Variants in CHCHD3 observed in about 807,000 individuals in gnomAD.
CHCHD3 encodes coiled-coil-helix-coiled-coil-helix domain containing 3, also known as MICOS complex subunit MIC19.
CHCHD3 carries 20 observed loss-of-function variants against 38.2 expected under a neutral mutation model. The ratio of observed to expected loss-of-function variants is 0.52; its 90% CI spans 0.37 to 0.76. CHCHD3 has a LOEUF of 0.76. Ranked by LOEUF, CHCHD3 falls within the 30% of genes least tolerant of loss-of-function variation. CHCHD3 has a pLI of 0.00. For synonymous variants in CHCHD3, 82 were observed against 100.0 expected (o/e 0.82, Z 1.07); for missense variants, 245 against 279.2 (o/e 0.88, Z 0.87).
At chr7:132,923,021 A>G (rs1382549038) in intron 4 of CHCHD3, among the ~76,000 whole-genome samples, 1 of 152,214 alleles carries the variant, frequency 6.6e-6, no homozygotes, top group East Asian at 1.9e-4. Flanking sequence ...GCCAAGAAGG[A>G]ACACCAGAAT....
At chr7:132,915,987 A>G (rs1013354807) in intron 4 of CHCHD3, among the ~76,000 whole-genome samples, 7 of 150,834 alleles carry the variant, frequency 4.6e-5, no homozygotes, top group African/African-American at 1.7e-4. Context: ...CAAAATGAGC[A>G]TTGTTCTGGG....
intron 7 of CHCHD3, among the ~76,000 whole-genome samples, chr7:132,791,683 G>A (rs1260862580): frequency 6.6e-6 from 1 of 152,168 alleles, no homozygotes; most frequent in African/African-American, 2.4e-5. Context: ...TCCTTCAGAA[G>A]GCGGACAGAA....
At chr7:132,803,283 A>G (rs1806834653) in intron 6 of CHCHD3, among the ~76,000 whole-genome samples, 1 of 152,182 alleles carries the variant, frequency 6.6e-6, no homozygotes, top group Non-Finnish European at 1.5e-5. Flanking sequence ...GAATGAGACC[A>G]AGTAATCTTA....
intron 5 of CHCHD3, among the ~76,000 whole-genome samples, chr7:132,870,068 T>C (rs550546532): frequency 6.6e-6 from 1 of 151,036 alleles, no homozygotes; most frequent in Admixed American, 6.6e-5. Context: ...AACAAAATAA[T>C]GGCCGGGCAC....
At chr7:132,931,935 A>G (rs1309925826) in intron 4 of CHCHD3, among the ~76,000 whole-genome samples, 1 of 152,202 alleles carries the variant, frequency 6.6e-6, no homozygotes, top group African/African-American at 2.4e-5. Context: ...GCATCATGAA[A>G]GCAAGAAAAC....
At chr7:132,885,859 C>G in intron 4 of CHCHD3, 114 bp from the exon 5 acceptor site, 4 of 615,758 alleles carry the variant, frequency 6.5e-6, no homozygotes, top group Non-Finnish European at 7.9e-6. Flanking sequence ...TTTTTGCAAT[C>G]TATTAGGTCT....
intron 4 of CHCHD3, among the ~76,000 whole-genome samples, chr7:132,949,774 T>C (rs569894403): frequency 1.7e-3 from 262 of 151,930 alleles, no homozygotes; most frequent in South Asian, 3.7e-3. Context: ...GAAAAAAATA[T>C]AGAAAAAAAT....
At chr7:132,974,837 G>A in intron 4 of CHCHD3, among the ~76,000 whole-genome samples, 1 of 151,204 alleles carries the variant, frequency 6.6e-6, no homozygotes, top group South Asian at 2.1e-4. Flanking sequence ...TCGCACCACT[G>A]CACTCTAGCC....
At chr7:133,074,150 T>A (rs530364536) in intron 1 of CHCHD3, among the ~76,000 whole-genome samples, 2 of 152,326 alleles carry the variant, frequency 1.3e-5, no homozygotes, top group African/African-American at 4.8e-5. Context: ...GCCTTTCCAC[T>A]AGATTGCAAG....
intron 4 of CHCHD3, among the ~76,000 whole-genome samples, chr7:132,967,661 A>G (rs1319785844): frequency 6.7e-6 from 1 of 149,970 alleles, no homozygotes; most frequent in South Asian, 2.1e-4. Context: ...AAATAAATAA[A>G]TAAATAAAAT....
At chr7:132,943,876 T>C (rs2117275122) in intron 4 of CHCHD3, among the ~76,000 whole-genome samples, 1 of 152,212 alleles carries the variant, frequency 6.6e-6, no homozygotes, top group East Asian at 1.9e-4. Flanking sequence ...AAAAGTGAAA[T>C]CTTCCTCACT....
Position 132,916,031 on chromosome 7 carries a change from T to C in CHCHD3, c.370-30286A>G, listed in dbSNP as rs567364060. On this transcript the variant is annotated intron_variant, in intron 4 of 7. Transcript: ENST00000262570. The stretch of plus-strand genomic sequence containing the variant: ...CTGCAGAATCAATACATATGGGTGA[T>C]GGTTCAGCAAACGACTATGCCTCCC... 2.0e-5 allele frequency among the ~76,000 whole-genome samples: 3 copies of C among 152,120 alleles called. No homozygotes were observed. In the South Asian group the frequency reaches 6.2e-4, roughly 32 times the overall value.
chr7:132,814,182 C>G (rs1807142835), intron 6 of CHCHD3, among the ~76,000 whole-genome samples: 1 of 152,160 alleles, frequency 6.6e-6, no homozygotes, highest in Admixed American at 6.5e-5. Context: ...TTCAAACAGG[C>G]CAGAAACTGG....
chr7:132,881,873 T>C (rs1460477829), intron 5 of CHCHD3, among the ~76,000 whole-genome samples: 1 of 152,188 alleles, frequency 6.6e-6, no homozygotes, highest in Non-Finnish European at 1.5e-5. Flanking sequence ...TCTTTTGCAT[T>C]ACGCCTAGAA....
intron 4 of CHCHD3, among the ~76,000 whole-genome samples, chr7:132,925,257 G>A (rs1250130040): frequency 6.6e-6 from 1 of 152,014 alleles, no homozygotes. Flanking sequence ...AAAAAGGAGG[G>A]AGACAGTTTC....
At chr7:132,800,708 C>T (rs577780631) in intron 6 of CHCHD3, among the ~76,000 whole-genome samples, 2 of 152,178 alleles carry the variant, frequency 1.3e-5, no homozygotes, top group South Asian at 4.2e-4. Flanking sequence ...AAGAAAGGAT[C>T]CTTTCCCTGT....
chr7:132,879,090 T>C (rs1808983799), intron 5 of CHCHD3, among the ~76,000 whole-genome samples: 1 of 152,142 alleles, frequency 6.6e-6, no homozygotes, highest in South Asian at 2.1e-4. Flanking sequence ...TAATAGGTAA[T>C]ATGTTTATAG....
intron 3 of CHCHD3, among the ~76,000 whole-genome samples, chr7:133,003,026 T>C (rs764255029): frequency 1.3e-4 from 20 of 152,136 alleles, no homozygotes; most frequent in Admixed American, 7.2e-4. Flanking sequence ...TACATGCCTA[T>C]GAGGAAGGAA....
At chr7:133,079,585 T>A (rs1468634370) in intron 1 of CHCHD3, among the ~76,000 whole-genome samples, 1 of 152,120 alleles carries the variant, frequency 6.6e-6, no homozygotes, top group African/African-American at 2.4e-5. Flanking sequence ...CAATAACCAA[T>A]CAAGGGAAGT....
Sources: allele counts gnomAD v4.1 joint callset (sites outside exome capture counted in the v4.1 genomes callset), GRCh38; gene constraint gnomAD v4.1.1; transcripts MANE v1.5; gene names NCBI Gene and HGNC (gene_info 2026-07-23, HGNC 2026-07-21).